Variants in CREB5 observed in about 807,000 individuals in gnomAD.
CREB5 encodes cyclic AMP-responsive element-binding protein 5.
Under a neutral mutation model 57.1 loss-of-function variants are expected in CREB5, and 19 were observed. The observed-to-expected ratio is 0.33, with a 90% CI of 0.23 to 0.49. CREB5 has a LOEUF of 0.49. Ranked by LOEUF, CREB5 falls within the 20% of genes least tolerant of loss-of-function variation. CREB5 has a pLI of 0.99. For synonymous variants in CREB5, 238 were observed against 238.3 expected (o/e 1.00, Z 0.01); for missense variants, 579 against 671.6 (o/e 0.86, Z 1.52).
chr7:28,543,756 G>A (rs529007844), intron 4 of CREB5, among the ~76,000 whole-genome samples: 12 of 151,814 alleles, frequency 7.9e-5, no homozygotes, highest in Non-Finnish European at 1.6e-4. Flanking sequence ...TAACAGCAGG[G>A]CATTCTGCAA....
At chr7:28,316,194 C>G (rs1479686805) in intron 1 of CREB5, among the ~76,000 whole-genome samples, 1 of 152,054 alleles carries the variant, frequency 6.6e-6, no homozygotes, top group South Asian at 2.1e-4. Context: ...AGTGCTTTCA[C>G]CCACAAGTAT....
chr7:28,619,704 G>T (rs1797724090), intron 5 of CREB5, among the ~76,000 whole-genome samples: 1 of 152,140 alleles, frequency 6.6e-6, no homozygotes, highest in South Asian at 2.1e-4. Context: ...TATCATTCAT[G>T]AAATAAAATA....
intron 7 of CREB5, among the ~76,000 whole-genome samples, chr7:28,770,887 C>CTT (rs1411798966): frequency 1.3e-5 from 2 of 152,196 alleles, no homozygotes; most frequent in African/African-American, 4.8e-5. Context: ...GTTAACAGTA[C>CTT]TCAAGGTATA....
intron 5 of CREB5, among the ~76,000 whole-genome samples, chr7:28,575,761 C>G (rs528902819): frequency 6.6e-6 from 1 of 152,136 alleles, no homozygotes; most frequent in African/African-American, 2.4e-5. Flanking sequence ...TTCACAGCCC[C>G]GAGAACATTT....
chr7:28,324,529 A>G (rs1785548412), intron 1 of CREB5, among the ~76,000 whole-genome samples: 1 of 152,208 alleles, frequency 6.6e-6, no homozygotes, highest in East Asian at 1.9e-4. Flanking sequence ...CTCACTAGCT[A>G]TTCCTTCTGT....
intron 7 of CREB5, among the ~76,000 whole-genome samples, chr7:28,727,627 T>A (rs1393537633): frequency 1.3e-5 from 2 of 152,074 alleles, no homozygotes; most frequent in Non-Finnish European, 2.9e-5. Flanking sequence ...TTGAAAGAGG[T>A]TTTTGTTTTT....
chr7:28,312,969 T>A (rs1415944458), intron 1 of CREB5, among the ~76,000 whole-genome samples: 1 of 152,162 alleles, frequency 6.6e-6, no homozygotes, highest in African/African-American at 2.4e-5. Context: ...TCCAGTTCAA[T>A]CTCCTATCTG....
chr7:28,560,919 T>TGCGTGTGCGTGCGCGCGCGCGCGTGC (rs1562797827), intron 4 of CREB5, among the ~76,000 whole-genome samples: 1 of 42,996 alleles, frequency 2.3e-5, no homozygotes, highest in Non-Finnish European at 4.5e-5. Flanking sequence ...CGTGTGCGTG[T>TGCGTGTGCGTGCGCGCGCGCGCGTGC]GTGCGCGTGC....
chr7:28,730,629 C>T (rs193118528), intron 7 of CREB5, among the ~76,000 whole-genome samples: 11 of 152,240 alleles, frequency 7.2e-5, no homozygotes, highest in African/African-American at 2.6e-4. Flanking sequence ...AATGTTTAGC[C>T]AGCAGTAGGG....
intron 1 of CREB5, among the ~76,000 whole-genome samples, chr7:28,445,552 C>CTT (rs879648466): frequency 7.0e-6 from 1 of 143,336 alleles, no homozygotes. Flanking sequence ...TCTTCTTTTT[C>CTT]TTTTTTTTTT....
At chr7:28,470,418 T>C (rs1457414967) in intron 1 of CREB5, among the ~76,000 whole-genome samples, 4 of 152,240 alleles carry the variant, frequency 2.6e-5, no homozygotes, top group Non-Finnish European at 4.4e-5. Flanking sequence ...TTCTTTTTTA[T>C]GGCTGAATAG....
intron 7 of CREB5, among the ~76,000 whole-genome samples, chr7:28,737,565 ATATATATATATATATAT>A: frequency 9.1e-6 from 1 of 110,404 alleles, no homozygotes; most frequent in African/African-American, 3.0e-5. Flanking sequence ...ATATATATAT[ATATATATATATATATAT>A]ATATATTTTT....
intron 1 of CREB5, among the ~76,000 whole-genome samples, chr7:28,398,360 A>C (rs1006819390): frequency 6.6e-6 from 1 of 152,212 alleles, no homozygotes; most frequent in African/African-American, 2.4e-5. Flanking sequence ...TCAGGGTGCA[A>C]GTCAGCCTTA....
intron 1 of CREB5, among the ~76,000 whole-genome samples, chr7:28,330,586 C>T (rs1383131992): frequency 6.7e-6 from 1 of 149,754 alleles, no homozygotes; most frequent in African/African-American, 2.5e-5. Context: ...TTGTAATACG[C>T]TTAGATCTTT....
At chr7:28,665,925 C>T (rs1348794602) in intron 5 of CREB5, among the ~76,000 whole-genome samples, 1 of 152,078 alleles carries the variant, frequency 6.6e-6, no homozygotes, top group Non-Finnish European at 1.5e-5. Flanking sequence ...GTGCTGCCGA[C>T]ACCCTTAAAA....
At chr7:28,790,464 G>GAT (rs1807622714) in intron 7 of CREB5, among the ~76,000 whole-genome samples, 1 of 89,418 alleles carries the variant, frequency 1.1e-5, no homozygotes, top group African/African-American at 4.6e-5. Context: ...GAGAGAGATA[G>GAT]AGAGAGAGAG....
intron 4 of CREB5, among the ~76,000 whole-genome samples, chr7:28,560,933 T>TGCGCGC (rs1224485964): frequency 8.1e-5 from 4 of 49,340 alleles, no homozygotes; most frequent in Non-Finnish European, 1.6e-4. Flanking sequence ...CGCGTGCGTG[T>TGCGCGC]GTGCGTGCGT....
intron 5 of CREB5, among the ~76,000 whole-genome samples, chr7:28,679,218 A>T (rs1391055745): frequency 6.6e-6 from 1 of 152,194 alleles, no homozygotes; most frequent in Non-Finnish European, 1.5e-5. Context: ...CAGAAAGCAG[A>T]TACTGCAGTG....
chr7:28,741,240 C>T lies in CREB5; in HGVS notation c.702+16908C>T, dbSNP rs1022567617. 1.1e-4 allele frequency among the ~76,000 whole-genome samples: 17 copies of T among 152,138 alleles called. 1 individual carries two copies. Among genetic ancestry groups the T allele is most frequent in the Non-Finnish European group, 2.2e-4 (15 of 68,028 alleles). On this transcript the variant is annotated intron_variant, in intron 7 of 10. Transcript: ENST00000357727. Reference sequence around the variant, plus strand: ...CATTCAGAACTCAAAACACAGTTTTCCTCACAAGAAATGTCAGAGATGGTT... The same window carrying T: ...CATTCAGAACTCAAAACACAGTTTTTCTCACAAGAAATGTCAGAGATGGTT...
Sources: allele counts gnomAD v4.1 joint callset (sites outside exome capture counted in the v4.1 genomes callset), GRCh38; gene constraint gnomAD v4.1.1; transcripts MANE v1.5; gene names NCBI Gene and HGNC (gene_info 2026-07-23, HGNC 2026-07-21).